The following KPTN variants were observed in gnomAD, a reference collection of about 807,000 sequenced individuals.
KPTN encodes KICSTOR complex protein kaptin.
In KPTN, 36 loss-of-function variants were observed where a neutral mutation model predicts 52.6. The observed-to-expected ratio is 0.68, with a 90% confidence interval of 0.52 to 0.90. KPTN has a LOEUF of 0.90. KPTN is among the 40% of genes least tolerant of loss of function. KPTN has a pLI of 0.00. For missense variants in KPTN, 529 were observed against 576.2 expected (o/e 0.92, Z 0.84); for synonymous variants, 271 against 248.4 (o/e 1.09, Z -0.85).
chr19:47,481,121 T>C, intron 4 of KPTN, 88 bp from the exon 5 acceptor site: 1 of 1,047,920 alleles, frequency 9.5e-7, no homozygotes, highest in East Asian at 2.6e-5. Context: ...CCCCTGCCTG[T>C]TGAGAACCTT....
chr19:47,479,682 G>C (rs896702550), intron 8 of KPTN, among the ~76,000 whole-genome samples, 181 bp downstream of exon 8: 1 of 152,052 alleles, frequency 6.6e-6, no homozygotes, highest in Non-Finnish European at 1.5e-5. Context: ...TTCACAAGAG[G>C]GGAGGGGAGG....
At position 47,476,907 on chromosome 19, in the gene KPTN, G is replaced by A; in HGVS notation, c.895C>T (p.Leu299Phe). 6.4e-7 allele frequency: 1 copy of A among 1,559,674 alleles called. No individual in the cohort carries two copies. The highest frequency in any genetic ancestry group is 1.2e-5 in the South Asian group (1 of 84,660). ...DLLNRGLEDQ[L>F]LLPGSDQFDS... ...AACTGGTCACTGCCGGGCAGGAGAA[G>A]CTGGTCTTCAAGACCCCGGTTCAGC... is the stretch of plus-strand genomic sequence containing the variant. Residue 299 changes from leucine to phenylalanine, a missense_variant, in exon 10 of 12, where the codon CTT (leucine) becomes TTT (phenylalanine). Physicochemically the swap from Leu to Phe is conservative, Grantham distance 22. Transcript: ENST00000338134.
intron 1 of KPTN, 86 bp from the exon 2 acceptor site, chr19:47,483,670 A>C (rs1967969534): frequency 9.4e-7 from 1 of 1,060,888 alleles, no homozygotes; most frequent in East Asian, 2.6e-5. Flanking sequence ...TACCGCAATG[A>C]TCATGCCCTC....
At chr19:47,480,439 G>A (rs1427030072) in intron 6 of KPTN, 32 bp from the exon 7 acceptor site, 4 of 1,464,562 alleles carry the variant, frequency 2.7e-6, no homozygotes, top group Admixed American at 4.1e-5. Context: ...AGGACGGACG[G>A]CCATTGCTGG....
chr19:47,480,442 A>T (rs1434508983), intron 6 of KPTN, 35 bp from the exon 7 acceptor site: 37 of 1,449,420 alleles, frequency 2.6e-5, no homozygotes, highest in Non-Finnish European at 3.4e-5. Context: ...ACGGACGGCC[A>T]TTGCTGGGCC....
In KPTN at chr19:47,483,488, G is replaced by C. The variant is rs748612550; in HGVS notation, c.309+14C>G. The C allele has an allele frequency of 6.2e-7, 1 of 1,600,310 alleles. No individual in the cohort carries two copies. The highest frequency in any genetic ancestry group is 1.1e-5 in the South Asian group (1 of 90,160). On this transcript the variant is annotated intron_variant, in intron 2 of 11. Transcript: ENST00000338134. ...AGGAGGAGGGCGAAGGGAGGTGGAGGGGGCTCTAGGTACCTTGATGAACGT... is the reference window on the plus strand; with the variant it reads ...AGGAGGAGGGCGAAGGGAGGTGGAGCGGGCTCTAGGTACCTTGATGAACGT...
rs563145883 is a variant in KPTN, at chr19:47,479,762, T to G, written c.787+101A>C. On this transcript the variant is annotated intron_variant, in intron 8 of 11. Coordinates refer to ENST00000338134, the MANE Select transcript of KPTN (RefSeq NM_007059.4). Reference sequence around the variant, plus strand: ...AGAGAGGGACTGGGGTCTGCACACTTTGGGAGAGGGGTGCAAATCTGGGTA... The same window carrying G: ...AGAGAGGGACTGGGGTCTGCACACTGTGGGAGAGGGGTGCAAATCTGGGTA... 4 of 931,378 alleles carry G rather than the reference T, an allele frequency of 4.3e-6. No individual in the cohort carries two copies. In the South Asian group the frequency reaches 5.8e-5, roughly 14 times the overall value. The allele number at this position is 931,378 out of a possible 1,614,324, so 57.7% of individuals were successfully genotyped here.
chr19:47,476,484 C>T (rs372818161), intron 11 of KPTN, 48 bp downstream of exon 11: 184 of 1,521,534 alleles, frequency 1.2e-4, no homozygotes, highest in Non-Finnish European at 1.1e-4. Context: ...ACCCCCTGCT[C>T]GAAACTGCTG....
In KPTN at chr19:47,483,577, C is replaced by G. The variant is rs553753624; in HGVS notation, c.234G>C (p.Ala78=). The G allele has an allele frequency of 1.3e-6, 2 of 1,557,606 alleles. No homozygotes were observed. The highest frequency in any genetic ancestry group is 1.7e-6 in the Non-Finnish European group (2 of 1,149,762). The change falls in exon 2 of 12, where the codon GCG becomes GCC. Residue 78 remains alanine (A), a synonymous_variant. Coordinates refer to ENST00000338134, the MANE Select transcript of KPTN (RefSeq NM_007059.4). ...TGAAAGTGTCGATGGAGACAATCTC[C>G]GCATCCACTGGGAGGGGAGAGTTCT... The part of the protein sequence containing the change: ...ELQFNYIPVD[A]EIVSIDTFNK...
Position 47,476,539 on chromosome 19 carries a change from A to C in KPTN, c.1175T>G (p.Ile392Ser). 1 of 1,603,044 alleles carries C rather than the reference A, an allele frequency of 6.2e-7. No homozygotes were observed. Among genetic ancestry groups the C allele is most frequent in the South Asian group, 1.1e-5 (1 of 90,468 alleles). Residue 392 changes from isoleucine (I) to serine (S), a missense_variant, in exon 11 of 12, where the codon ATC becomes AGC. Transcript: ENST00000338134. ...LAVVSLKGVHILQHSLIQASE... is the reference protein window; with the variant it reads ...LAVVSLKGVHSLQHSLIQASE... Reference sequence around the variant, plus strand: ...CCCAAGAGCTGGGGATACCTGCAGGATGTGCACGCCCTTCAGGGAGACCAC... The same window carrying C: ...CCCAAGAGCTGGGGATACCTGCAGGCTGTGCACGCCCTTCAGGGAGACCAC...
chr19:47,480,013 T>G, intron 7 of KPTN, 73 bp from the exon 8 acceptor site: 1 of 1,280,090 alleles, frequency 7.8e-7, no homozygotes. Context: ...CCATCGACTT[T>G]CCGCCCCCAC....
intron 8 of KPTN, among the ~76,000 whole-genome samples, 200 bp downstream of exon 8, chr19:47,479,663 G>A (rs1967795670): frequency 6.6e-6 from 1 of 152,116 alleles, no homozygotes; most frequent in African/African-American, 2.4e-5. Context: ...GCCAGTCCTG[G>A]AAGTTAAATT....
chr19:47,480,428 C>T, intron 6 of KPTN, 21 bp from the exon 7 acceptor site: 1 of 1,515,986 alleles, frequency 6.6e-7, no homozygotes, highest in African/African-American at 1.4e-5. Flanking sequence ...GGTGGATGGA[C>T]AGGACGGACG....
Position 47,480,289 on chromosome 19 carries a change from G to C in KPTN, c.709+9C>G, listed in dbSNP as rs545659460. 2 of 1,302,390 alleles carry C rather than the reference G, an allele frequency of 1.5e-6. No individual in the cohort carries two copies. The highest frequency in any genetic ancestry group is 4.4e-5 in the East Asian group (1 of 22,740). The allele number at this position is 1,302,390 out of a possible 1,614,324, so 80.7% of individuals were successfully genotyped here. On this transcript the variant is annotated intron_variant, in intron 7 of 11. Transcript: ENST00000338134. ...CCCACCCCTTACCCCGCCTCACCGC[G>C]GCCCTCACCTCGACTCCGCTGGTCC...
At chr19:47,481,983 T>C (rs908572400) in intron 4 of KPTN, among the ~76,000 whole-genome samples, 1 of 152,244 alleles carries the variant, frequency 6.6e-6, no homozygotes, top group Non-Finnish European at 1.5e-5. Flanking sequence ...TACTGTAGAA[T>C]ATTCAAATGT....
intron 6 of KPTN, 169 bp from the exon 7 acceptor site, chr19:47,480,576 G>A: frequency 1.3e-6 from 1 of 747,700 alleles, no homozygotes; most frequent in Non-Finnish European, 2.3e-6. Flanking sequence ...CTCACCACCC[G>A]AGGGCTGAGT....
At chr19:47,476,762 G>T (rs766627678) in intron 10 of KPTN, 41 bp downstream of exon 10, 10 of 1,602,502 alleles carry the variant, frequency 6.2e-6, no homozygotes, top group Non-Finnish European at 7.7e-6. Flanking sequence ...GGGGACAGTG[G>T]AGGGAGGCCG....
chr19:47,482,545 T>G (rs989137098), intron 4 of KPTN, among the ~76,000 whole-genome samples: 1 of 151,992 alleles, frequency 6.6e-6, no homozygotes, highest in Non-Finnish European at 1.5e-5. Flanking sequence ...AGAATCTGAT[T>G]GTCTATGGAC....
At chr19:47,477,871 T>A in intron 8 of KPTN, 90 bp from the exon 9 acceptor site, 1 of 830,138 alleles carries the variant, frequency 1.2e-6, no homozygotes, top group South Asian at 1.4e-5. Context: ...ACCAGCCTGG[T>A]CAACATGATA....
Sources: allele counts gnomAD v4.1 joint callset (sites outside exome capture counted in the v4.1 genomes callset), GRCh38; gene constraint gnomAD v4.1.1; transcripts MANE v1.5; gene names NCBI Gene and HGNC (gene_info 2026-07-23, HGNC 2026-07-21).